The following ADAD1 variants were observed in gnomAD, a reference collection of about 807,000 sequenced individuals.
ADAD1 encodes the protein adenosine deaminase domain-containing protein 1.
A neutral mutation model predicts 66.8 loss-of-function variants in ADAD1; 46 were observed. The ratio of observed to expected loss-of-function variants is 0.69; its 90% confidence interval spans 0.54 to 0.88. The LOEUF (loss-of-function observed/expected upper bound fraction) is 0.88, where lower values mean the gene tolerates loss of function less well. Ranked by LOEUF, ADAD1 falls within the 40% of genes least tolerant of loss-of-function variation. ADAD1 has a pLI of 0.00. For synonymous variants in ADAD1, 248 were observed against 229.4 expected, an observed-to-expected ratio of 1.08 and a Z score of -0.73; for missense variants, 617 against 681.8, an observed-to-expected ratio of 0.91 and a Z score of 1.06.
At chr4:122,426,729 A>C in intron 12 of ADAD1, among the ~76,000 whole-genome samples, 1 of 152,340 alleles carries the variant, frequency 6.6e-6, no homozygotes, top group Non-Finnish European at 1.5e-5. Context: ...CAAGTTTAAA[A>C]TTTGTATAAT....
chr4:122,380,914 C>T lies in ADAD1; in HGVS notation c.173-78C>T, dbSNP rs188863306. ...GTGTATCTGGGACAACCTTCCATTT[C>T]GGGGAGGATTTATTGCTTTTGCTCA... On this transcript the variant is annotated intron_variant, in intron 3 of 12. Coordinates refer to ENST00000296513, the MANE Select transcript of ADAD1 (RefSeq NM_139243.4). The T allele has an allele frequency of 2.8e-5, 37 of 1,298,914 alleles. No individual in the cohort carries two copies. In the Admixed American group the frequency reaches 4.4e-4, roughly 15 times the overall value. 80.5% of individuals were successfully genotyped at this position (1,298,914 alleles called of 1,614,324 possible).
At chr4:122,414,596 A>G (rs1399518234) in intron 10 of ADAD1, among the ~76,000 whole-genome samples, 3 of 152,114 alleles carry the variant, frequency 2.0e-5, no homozygotes, top group Non-Finnish European at 2.9e-5. Context: ...CCTAGTAACT[A>G]TCTCAACAAT....
chr4:122,382,427 A>G (rs1436788698), intron 4 of ADAD1, among the ~76,000 whole-genome samples: 2 of 152,218 alleles, frequency 1.3e-5, no homozygotes, highest in Non-Finnish European at 2.9e-5. Context: ...ATTCTGACAC[A>G]GAAGACTTAC....
intron 10 of ADAD1, among the ~76,000 whole-genome samples, chr4:122,413,087 C>G (rs576427900): frequency 5.1e-4 from 77 of 152,038 alleles, no homozygotes; most frequent in Non-Finnish European, 9.4e-4. Flanking sequence ...AGAGCTCCTT[C>G]TGGTGCTTTG....
At chr4:122,399,546 T>C (rs1169578896) in intron 7 of ADAD1, among the ~76,000 whole-genome samples, 3 of 152,096 alleles carry the variant, frequency 2.0e-5, no homozygotes, top group African/African-American at 7.2e-5. Flanking sequence ...TCTATGGGAA[T>C]TGCATTGAAT....
At chr4:122,385,464 G>C (rs368712850) in intron 5 of ADAD1, among the ~76,000 whole-genome samples, 1 of 151,928 alleles carries the variant, frequency 6.6e-6, no homozygotes, top group East Asian at 1.9e-4. Flanking sequence ...GTAGAGATGG[G>C]GTTTCACCAT....
intron 4 of ADAD1, among the ~76,000 whole-genome samples, chr4:122,381,505 A>T (rs1456808771): frequency 1.3e-5 from 2 of 152,202 alleles, no homozygotes; most frequent in African/African-American, 2.4e-5. Flanking sequence ...TATTTGGACT[A>T]TGATTATTTT....
At chr4:122,386,331 G>A (rs576064547) in intron 5 of ADAD1, among the ~76,000 whole-genome samples, 6 of 152,228 alleles carry the variant, frequency 3.9e-5, no homozygotes, top group East Asian at 1.9e-4. Flanking sequence ...TTTGTTGGCC[G>A]CATAAATGTC....
chr4:122,401,489 T>G (rs1448273180), intron 7 of ADAD1, among the ~76,000 whole-genome samples: 1 of 152,164 alleles, frequency 6.6e-6, no homozygotes, highest in Non-Finnish European at 1.5e-5. Flanking sequence ...GGATAGAATG[T>G]TCTGTAAATA....
At chr4:122,380,002 A>T (rs1794804720) in intron 2 of ADAD1, 60 bp from the exon 3 acceptor site, 1 of 1,502,728 alleles carries the variant, frequency 6.7e-7, no homozygotes, top group Middle Eastern at 1.9e-4. Context: ...TTTGGAGTAA[A>T]TATTTTCAGT....
intron 7 of ADAD1, among the ~76,000 whole-genome samples, chr4:122,406,733 A>G (rs1352305352): frequency 6.6e-6 from 1 of 151,922 alleles, no homozygotes; most frequent in Non-Finnish European, 1.5e-5. Context: ...CAGGAGAGAA[A>G]TAGTCTTCTG....
chr4:122,413,564 GTCCAGAAGTTATTTCCA>G (rs1796568200), intron 10 of ADAD1, among the ~76,000 whole-genome samples: 1 of 151,872 alleles, frequency 6.6e-6, no homozygotes, highest in African/African-American at 2.4e-5. Context: ...AAAAATGTTT[GTCCAGAAGTTATTTCCA>G]TCCAGAGGTC....
intron 7 of ADAD1, among the ~76,000 whole-genome samples, chr4:122,400,977 G>A (rs558933792): frequency 6.6e-6 from 1 of 151,590 alleles, no homozygotes; most frequent in East Asian, 1.9e-4. Flanking sequence ...TTTGTTTTTG[G>A]TGTTTTTTGT....
chr4:122,394,934 T>C (rs1795625234), intron 6 of ADAD1, among the ~76,000 whole-genome samples: 1 of 152,052 alleles, frequency 6.6e-6, no homozygotes, highest in Non-Finnish European at 1.5e-5. Flanking sequence ...TAAGAACAAG[T>C]TTTGGATGTT....
intron 5 of ADAD1, among the ~76,000 whole-genome samples, chr4:122,391,720 T>G (rs982844921): frequency 2.0e-5 from 3 of 152,134 alleles, no homozygotes; most frequent in Non-Finnish European, 4.4e-5. Context: ...TGTTTTTTGT[T>G]TTTTGTTTTG....
intron 7 of ADAD1, among the ~76,000 whole-genome samples, chr4:122,401,297 T>C (rs1189097081): frequency 6.6e-6 from 1 of 152,106 alleles, no homozygotes; most frequent in Non-Finnish European, 1.5e-5. Context: ...CATATACTTG[T>C]ATAGTTTTGA....
At chr4:122,412,503 A>G in intron 9 of ADAD1, 77 bp from the exon 10 acceptor site, 2 of 1,151,038 alleles carry the variant, frequency 1.7e-6, no homozygotes, top group Non-Finnish European at 2.5e-6. Flanking sequence ...ATGTTACAGA[A>G]CAGCTGTTAG....
chr4:122,401,387 A>G (rs1795970334), intron 7 of ADAD1, among the ~76,000 whole-genome samples: 2 of 152,150 alleles, frequency 1.3e-5, no homozygotes, highest in Non-Finnish European at 2.9e-5. Context: ...ATTTTCTTAA[A>G]TTTACTGAGA....
chr4:122,405,910 TTTC>T (rs1448833782), intron 7 of ADAD1, among the ~76,000 whole-genome samples: 1 of 152,162 alleles, frequency 6.6e-6, no homozygotes, highest in African/African-American at 2.4e-5. Context: ...ATGGCAGAAT[TTTC>T]TTCTTTTTGG....
Sources: gnomAD v4.1 joint callset for allele counts (sites outside exome capture counted in the v4.1 genomes callset) on GRCh38, gnomAD v4.1.1 for gene constraint, MANE v1.5 for transcripts, NCBI Gene and HGNC (gene_info 2026-07-23, HGNC 2026-07-21) for gene names.